Variants in CLTCL1 observed in about 807,000 individuals in gnomAD.
CLTCL1 encodes clathrin heavy chain 2.
CLTCL1 carries 159 observed loss-of-function variants against 190.0 expected under a neutral mutation model. The observed-to-expected ratio is 0.84, with a 90% confidence interval of 0.74 to 0.95. The LOEUF (loss-of-function observed/expected upper bound fraction) is 0.95. Ranked by LOEUF, CLTCL1 falls within the 40% of genes least tolerant of loss-of-function variation. The pLI is 0.00. For missense variants in CLTCL1, 1,878 were observed against 2,033.4 expected, an observed-to-expected ratio of 0.92 and a Z score of 1.47; for synonymous variants, 752 against 769.6, an observed-to-expected ratio of 0.98 and a Z score of 0.38.
chr22:19,271,717 G>C (rs1555980804), intron 2 of CLTCL1, among the ~76,000 whole-genome samples: 1 of 152,088 alleles, frequency 6.6e-6, no homozygotes, highest in East Asian at 1.9e-4. Flanking sequence ...TATCACACCT[G>C]GGCCAGTAAT....
chr22:19,249,934 C>A, intron 3 of CLTCL1: 1 of 436,532 alleles, frequency 2.3e-6, no homozygotes, highest in Non-Finnish European at 4.6e-6. Flanking sequence ...TAAGGTTTTT[C>A]GTGGCATATT....
At chr22:19,196,156 A>T (rs1435549505) in intron 26 of CLTCL1, 110 bp downstream of exon 26, 1 of 1,117,374 alleles carries the variant, frequency 8.9e-7, no homozygotes, top group East Asian at 2.6e-5. Context: ...ACGCACACAC[A>T]GCATGGGGGC....
chr22:19,191,656 T>G (rs2084510043), intron 26 of CLTCL1, among the ~76,000 whole-genome samples: 1 of 152,216 alleles, frequency 6.6e-6, no homozygotes, highest in South Asian at 2.1e-4. Context: ...GCCTCAGGGT[T>G]TCCTGCCTCA....
intron 22 of CLTCL1, among the ~76,000 whole-genome samples, chr22:19,204,678 T>C (rs1259414511): frequency 6.6e-6 from 1 of 152,226 alleles, no homozygotes; most frequent in Non-Finnish European, 1.5e-5. Context: ...GGTAAGCATG[T>C]AAGACTTGTT....
chr22:19,216,080 G>A, intron 19 of CLTCL1, 31 bp downstream of exon 19: 2 of 1,607,962 alleles, frequency 1.2e-6, no homozygotes, highest in East Asian at 2.2e-5. Context: ...GAATCTGCCT[G>A]TGTCCACAGC....
At chr22:19,220,954 A>G (rs1054922377) in intron 17 of CLTCL1, among the ~76,000 whole-genome samples, 10 of 152,150 alleles carry the variant, frequency 6.6e-5, no homozygotes, top group African/African-American at 2.4e-4. Context: ...GTTACCCCAA[A>G]AAGGGGGCAT....
Position 19,261,695 on chromosome 22 carries a change from G to T in CLTCL1, c.251-7468C>A, listed in dbSNP as rs115012699. The stretch of plus-strand genomic sequence containing the variant: ...AATTAGAAGTGGAGCCTGAAGATGG[G>T]ACTGAATTGTTGCAATCTCAGGATC... On this transcript the variant is annotated intron_variant, in intron 2 of 32. Transcript: ENST00000427926. Among the ~76,000 whole-genome samples the T allele has an allele frequency of 3.5e-3, 529 of 152,314 alleles. 3 individuals are homozygous for T. The highest frequency in any genetic ancestry group is 0.012 in the African/African-American group (494 of 41,564).
At chr22:19,206,880 G>A (rs1268694835) in intron 22 of CLTCL1, among the ~76,000 whole-genome samples, 5 of 151,820 alleles carry the variant, frequency 3.3e-5, no homozygotes, top group Admixed American at 1.3e-4. Flanking sequence ...TCTACATGGC[G>A]GACTCCACAA....
At chr22:19,278,807 T>C (rs2087604575) in intron 1 of CLTCL1, among the ~76,000 whole-genome samples, 1 of 152,230 alleles carries the variant, frequency 6.6e-6, no homozygotes, top group Non-Finnish European at 1.5e-5. Context: ...AGTGGCGTGA[T>C]CTCGGCTCAC....
chr22:19,290,571 T>C (rs1444765123), intron 1 of CLTCL1, among the ~76,000 whole-genome samples: 1 of 152,138 alleles, frequency 6.6e-6, no homozygotes, highest in Non-Finnish European at 1.5e-5. Flanking sequence ...ACTAACCAAG[T>C]GACCCTGGCA....
chr22:19,224,956 T>C (rs2085692694), intron 13 of CLTCL1, among the ~76,000 whole-genome samples: 2 of 152,184 alleles, frequency 1.3e-5, no homozygotes, highest in Admixed American at 6.5e-5. Flanking sequence ...TAGAACACTT[T>C]TTTGGTGTGA....
intron 1 of CLTCL1, 23 bp downstream of exon 1, chr22:19,291,576 GC>G (rs782763598): frequency 1.6e-3 from 2,116 of 1,357,806 alleles, no homozygotes; most frequent in Non-Finnish European, 1.9e-3. Context: ...TGACAGGGCA[GC>G]CCCCCAGCCC....
At chr22:19,272,058 A>G (rs1555980944) in intron 2 of CLTCL1, among the ~76,000 whole-genome samples, 1 of 152,228 alleles carries the variant, frequency 6.6e-6, no homozygotes, top group Admixed American at 6.5e-5. Flanking sequence ...ACAGTGAGCC[A>G]TGATCACATC....
At chr22:19,181,003 C>T in intron 30 of CLTCL1, 197 bp from the exon 31 acceptor site, 2 of 584,856 alleles carry the variant, frequency 3.4e-6, no homozygotes, top group Non-Finnish European at 6.1e-6. Context: ...GAGGTGAAGC[C>T]TCGGTAGCTG....
In CLTCL1 at chr22:19,225,593, G is replaced by A. The variant is rs1555955422; in HGVS notation, c.1988C>T (p.Ser663Phe). ...CAGCATGGCATGCAGACACTCCACA[G>A]AATCCTCCACCGATAAGGAGCCAAA... Reference protein sequence around the residue: ...NFFGSLSVEDSVECLHAMLSA... With the variant: ...NFFGSLSVEDFVECLHAMLSA... The change falls in exon 13 of 33, where the codon TCT becomes TTT. Residue 663 changes from serine (S) to phenylalanine (F), a missense_variant. Ser to Phe is a radical substitution (Grantham distance 155). Coordinates refer to ENST00000427926, the MANE Select transcript of CLTCL1 (RefSeq NM_007098.4). The A allele has an allele frequency of 1.3e-6, 2 of 1,575,020 alleles. No homozygotes were observed. Among genetic ancestry groups the A allele is most frequent in the Non-Finnish European group, 1.7e-6 (2 of 1,160,684 alleles).
At position 19,232,553 on chromosome 22, in the gene CLTCL1, T is replaced by C; in HGVS notation, c.1567A>G (p.Lys523Glu). 6.2e-7 allele frequency: 1 copy of C among 1,613,948 alleles called. No homozygotes were observed. The part of the protein sequence containing the change: ...DWIFLLRGVM[K>E]ISPEQGLQFS... ...TGCAGGCCCTGTTCCGGACTGATCTTCATTACACCCCTCAGCAGAAAGATC... is the reference window on the plus strand; with the variant it reads ...TGCAGGCCCTGTTCCGGACTGATCTCCATTACACCCCTCAGCAGAAAGATC... Residue 523 changes from lysine to glutamate, a missense_variant, in exon 10 of 33, where the codon AAG becomes GAG. Transcript: ENST00000427926.
intron 10 of CLTCL1, among the ~76,000 whole-genome samples, chr22:19,230,502 C>G (rs2085888321): frequency 6.6e-6 from 1 of 152,090 alleles, no homozygotes; most frequent in Non-Finnish European, 1.5e-5. Flanking sequence ...TGGATGCATT[C>G]CTTGAGCCCA....
At chr22:19,205,713 T>A (rs563279067) in intron 22 of CLTCL1, among the ~76,000 whole-genome samples, 1 of 152,338 alleles carries the variant, frequency 6.6e-6, no homozygotes, top group East Asian at 1.9e-4. Flanking sequence ...TATTTATGTA[T>A]TAGCTGAACT....
In CLTCL1 at chr22:19,196,501, G is replaced by A. The variant is rs781951943; in HGVS notation, c.4029C>T (p.Val1343=). The change falls in exon 25 of 33, where the codon GTC becomes GTT. Residue 1343 remains valine, a synonymous_variant. Transcript: ENST00000427926. The stretch of plus-strand genomic sequence containing the variant: ...GAGTACACGGTACCTTTGGGATGTT[G>A]ACACGGGACCAGAAAAGCTCCAGAT... ...LEHLELFWSR[V]NIPKVLRAAE... The A allele has an allele frequency of 1.9e-6, 3 of 1,613,960 alleles. No homozygotes were observed. Among genetic ancestry groups the A allele is most frequent in the African/African-American group, 2.7e-5 (2 of 74,954 alleles).
Sources: allele counts gnomAD v4.1 joint callset (sites outside exome capture counted in the v4.1 genomes callset), GRCh38; gene constraint gnomAD v4.1.1; transcripts MANE v1.5; gene names NCBI Gene and HGNC (gene_info 2026-07-23, HGNC 2026-07-21).